CRY2: variants seen among roughly 807,000 people sequenced by gnomAD.
CRY2 encodes the protein cryptochrome circadian regulator 2, also known as cryptochrome-2.
CRY2 carries 31 observed loss-of-function variants against 69.5 expected under a neutral mutation model. The observed-to-expected ratio is 0.45, with a 90% confidence interval of 0.34 to 0.60. The LOEUF (loss-of-function observed/expected upper bound fraction) is 0.60. Ranked by LOEUF, CRY2 falls within the 20% of genes least tolerant of loss-of-function variation. The pLI is 0.02. For synonymous variants in CRY2, 303 were observed against 312.2 expected (o/e 0.97, Z 0.31); for missense variants, 606 against 797.8 (o/e 0.76, Z 2.90).
At chr11:45,851,865 A>G (rs2086201404) in intron 1 of CRY2, among the ~76,000 whole-genome samples, 1 of 152,200 alleles carries the variant, frequency 6.6e-6, no homozygotes, top group Non-Finnish European at 1.5e-5. Flanking sequence ...GCCTTGAAGC[A>G]GAGGAACTTG....
At chr11:45,872,614 T>A (rs1045665279) in intron 11 of CRY2, among the ~76,000 whole-genome samples, 1 of 152,134 alleles carries the variant, frequency 6.6e-6, no homozygotes, top group Non-Finnish European at 1.5e-5. Flanking sequence ...AATAATCTGG[T>A]GGGACTGCAT....
At chr11:45,868,069 C>T (rs553568946) in intron 6 of CRY2, 2 of 309,262 alleles carry the variant, frequency 6.5e-6, no homozygotes, top group East Asian at 1.2e-4. Context: ...GGGCGAGGTC[C>T]CCAGGGTGAG....
intron 1 of CRY2, among the ~76,000 whole-genome samples, chr11:45,851,808 C>G (rs2086200784): frequency 6.6e-6 from 1 of 152,152 alleles, no homozygotes; most frequent in Non-Finnish European, 1.5e-5. Context: ...TCCTATGTAG[C>G]CAATCTGTGC....
At position 45,847,642 on chromosome 11, in the gene CRY2, G is replaced by A. The variant is rs2134623518; in HGVS notation, c.152G>A (p.Arg51His). 1 of 1,599,724 alleles carries A rather than the reference G, an allele frequency of 6.3e-7. No individual in the cohort carries two copies. The highest frequency in any genetic ancestry group is 2.3e-5 in the East Asian group (1 of 44,116). The change falls in exon 1 of 12, where the codon CGC becomes CAC. Residue 51 changes from arginine (R) to histidine (H), a missense_variant. Physicochemically the swap from Arg to His is conservative, Grantham distance 29. Coordinates refer to ENST00000616080, the MANE Select transcript of CRY2 (RefSeq NM_021117.5). ...LAAVRGARCV[R>H]CVYILDPWFA... is the part of the protein sequence containing the mutation. ...GCCGTGCGCGGGGCGCGCTGCGTGC[G>A]CTGCGTTTACATTCTCGACCCGTGG...
chr11:45,850,893 C>A (rs575902538), intron 1 of CRY2, among the ~76,000 whole-genome samples: 4 of 152,110 alleles, frequency 2.6e-5, no homozygotes, highest in Non-Finnish European at 5.9e-5. Flanking sequence ...CTATGAATGG[C>A]ACTAAGAGTA....
intron 11 of CRY2, among the ~76,000 whole-genome samples, chr11:45,879,958 G>A (rs1425135589): frequency 6.6e-6 from 1 of 152,076 alleles, no homozygotes; most frequent in East Asian, 1.9e-4. Context: ...TTCCTTTAAG[G>A]ACACCAGTCA....
chr11:45,878,983 A>G (rs1478159873), intron 11 of CRY2, among the ~76,000 whole-genome samples: 8 of 146,816 alleles, frequency 5.4e-5, no homozygotes, highest in Non-Finnish European at 1.2e-4. Flanking sequence ...TAATCCCAGC[A>G]CTTTGGGAGG....
intron 2 of CRY2, 135 bp downstream of exon 2, chr11:45,856,225 G>A (rs2086238104): frequency 2.7e-6 from 2 of 737,368 alleles, no homozygotes; most frequent in Non-Finnish European, 4.5e-6. Flanking sequence ...TAGAGAAGTT[G>A]GGAGCAAAGG....
intron 3 of CRY2, among the ~76,000 whole-genome samples, chr11:45,860,622 T>A (rs1387953259): frequency 6.6e-6 from 1 of 152,084 alleles, no homozygotes; most frequent in Non-Finnish European, 1.5e-5. Context: ...CCTGCCTTGC[T>A]CCATTACTGA....
At chr11:45,866,631 G>T (rs532419620) in intron 5 of CRY2, among the ~76,000 whole-genome samples, 2 of 152,368 alleles carry the variant, frequency 1.3e-5, no homozygotes, top group South Asian at 4.1e-4. Flanking sequence ...TTAGAGACCA[G>T]CCTGGCCAAC....
chr11:45,847,997 C>T (rs1366868343), intron 1 of CRY2, among the ~76,000 whole-genome samples: 1 of 152,214 alleles, frequency 6.6e-6, no homozygotes, highest in African/African-American at 2.4e-5. Flanking sequence ...CCAAAGTCGA[C>T]CTGCCCAAGG....
rs1430418870 is a variant in CRY2 at position 45,882,933 on chromosome 11, G to A, written c.*2022G>A. The A allele has an allele frequency of 1.3e-5, 5 of 384,626 alleles. No homozygotes were observed. Among genetic ancestry groups the A allele is most frequent in the Admixed American group, 4.5e-5 (1 of 22,208 alleles). The allele number at this position is 384,626 out of a possible 1,614,324, so 23.8% of individuals were successfully genotyped here. On this transcript the variant is annotated 3_prime_UTR_variant, in exon 12 of 12. Coordinates refer to ENST00000616080, the MANE Select transcript of CRY2 (RefSeq NM_021117.5). ...TCCACCATCCCTAGCATGTCAGCCCGTTCCCAGATCAACCTGCCAGTGGAG... is the reference window on the plus strand; with the variant it reads ...TCCACCATCCCTAGCATGTCAGCCCATTCCCAGATCAACCTGCCAGTGGAG...
chr11:45,853,954 T>C (rs1753130650), intron 1 of CRY2, among the ~76,000 whole-genome samples: 1 of 152,248 alleles, frequency 6.6e-6, no homozygotes, highest in Non-Finnish European at 1.5e-5. Flanking sequence ...TCATGCTCTT[T>C]TGCAAACATG....
chr11:45,871,943 C>G, intron 10 of CRY2, 149 bp from the exon 11 acceptor site: 1 of 1,146,306 alleles, frequency 8.7e-7, no homozygotes, highest in Non-Finnish European at 1.2e-6. Context: ...CTGCTGAAAG[C>G]AAGGCCGAGG....
chr11:45,866,392 G>A (rs1393073672), intron 5 of CRY2, among the ~76,000 whole-genome samples: 2 of 152,246 alleles, frequency 1.3e-5, no homozygotes, highest in African/African-American at 2.4e-5. Context: ...GAGAGGCAGA[G>A]GAGGTGGAGC....
intron 4 of CRY2, chr11:45,861,270 A>T: frequency 2.0e-6 from 1 of 492,662 alleles, no homozygotes; most frequent in Non-Finnish European, 3.6e-6. Flanking sequence ...CTGGTTCTAG[A>T]TCATGCCTCT....
rs749068712 is a variant in CRY2, at chr11:45,872,183, C to A, written c.1734C>A (p.Ala578=). ...CTGGTGAAGAACTCAGCAAACGGGC[C>A]CGGGTGGCAGAGTTGCCAACCCCAG... ...EPPGEELSKR[A]RVAELPTPEL... The change falls in exon 11 of 12, where the codon GCC becomes GCA. Residue 578 remains alanine (A), a synonymous_variant. Transcript: ENST00000616080. The A allele has an allele frequency of 6.2e-7, 1 of 1,614,104 alleles. No individual in the cohort carries two copies. The highest frequency in any genetic ancestry group is 1.7e-5 in the Admixed American group (1 of 60,010).
chr11:45,871,033 C>T (rs983224816), intron 10 of CRY2, 99 bp downstream of exon 10: 2 of 953,426 alleles, frequency 2.1e-6, no homozygotes, highest in South Asian at 1.5e-5. Context: ...CCCAGTGGAG[C>T]TTATATTCCA....
At chr11:45,862,725 G>A (rs1425906880) in intron 5 of CRY2, among the ~76,000 whole-genome samples, 2 of 152,210 alleles carry the variant, frequency 1.3e-5, no homozygotes, top group East Asian at 3.9e-4. Context: ...ATGTGTCTCC[G>A]CACCTTTTTG....
Sources: allele counts gnomAD v4.1 joint callset (sites outside exome capture counted in the v4.1 genomes callset), GRCh38; gene constraint gnomAD v4.1.1; transcripts MANE v1.5; gene names NCBI Gene and HGNC (gene_info 2026-07-23, HGNC 2026-07-21).